HEATR5A: variants seen among roughly 807,000 people sequenced by gnomAD.
The protein encoded by HEATR5A is HEAT repeat-containing protein 5A.
A neutral mutation model predicts 218.8 loss-of-function variants in HEATR5A; 178 were observed. The observed-to-expected ratio is 0.81, with a 90% CI of 0.72 to 0.92. HEATR5A has a LOEUF of 0.92. Among genes scored for constraint, HEATR5A ranks in the 40% least tolerant of loss-of-function variants. HEATR5A has a pLI of 0.00. For missense variants in HEATR5A, 2,420 were observed against 2,418.9 expected, an observed-to-expected ratio of 1.00 and a Z score of -0.01; for synonymous variants, 864 against 871.6, an observed-to-expected ratio of 0.99 and a Z score of 0.15.
Position 31,358,645 on chromosome 14 carries a change from TTC to T in HEATR5A, c.2401_2402del (p.Glu801AsnfsTer35). On this transcript the variant is annotated frameshift_variant, in exon 16 of 36. Transcript: ENST00000543095. LOFTEE classifies it high-confidence loss of function. Reference protein sequence around the residue: ...LFGVVCAHVGETQRLLILEQL... With the variant: ...LFGVVCAHVGXTQRLLILEQL... ...CCATTGAAGATATTTACCTTTGAGT[TTC>T]TCCCACATGAGCGCATACAACCCCA... The T allele has an allele frequency of 6.2e-7, 1 of 1,612,624 alleles. No individual in the cohort carries two copies.
intron 5 of HEATR5A, among the ~76,000 whole-genome samples, chr14:31,394,919 T>C (rs1221489515): frequency 4.6e-5 from 7 of 152,208 alleles, no homozygotes; most frequent in Non-Finnish European, 8.8e-5. Flanking sequence ...AAACCTCACA[T>C]GTAAATTTTA....
At chr14:31,382,142 T>G (rs2030016422) in intron 10 of HEATR5A, among the ~76,000 whole-genome samples, 2 of 152,230 alleles carry the variant, frequency 1.3e-5, no homozygotes, top group Admixed American at 6.5e-5. Context: ...AATATGGGAA[T>G]GGGAACCTTG....
intron 14 of HEATR5A, 135 bp from the exon 15 acceptor site, chr14:31,359,192 A>T: frequency 1.2e-6 from 1 of 827,214 alleles, no homozygotes. Context: ...TGTATTTCTC[A>T]TCCTTGAAAA....
In HEATR5A at chr14:31,304,956, A is replaced by G; in HGVS notation, c.5188T>C (p.Ser1730Pro). ...ILLEDGSRLV[S>P]AALVILSELP... ...TCGGAAAGGATAACCAATGCAGCTG[A>G]AACCAATCTACTTCCATCTTCTAAT... Residue 1730 changes from serine (S) to proline (P), a missense_variant, in exon 32 of 36, where the codon TCA (serine) becomes CCA (proline). Transcript: ENST00000543095. 1 of 1,614,010 alleles carries G rather than the reference A, an allele frequency of 6.2e-7. No individual in the cohort carries two copies. The highest frequency in any genetic ancestry group is 8.5e-7 in the Non-Finnish European group (1 of 1,179,884).
In HEATR5A at chr14:31,387,117, T is replaced by G. The variant is rs773157032; in HGVS notation, c.1189+3A>C. On this transcript the variant is annotated splice_donor_region_variant and intron_variant, in intron 8 of 35. Coordinates refer to ENST00000543095, the MANE Select transcript of HEATR5A (RefSeq NM_015473.4). ...AACAAACTGTCTTAGTAGAGATCCA[T>G]ACCCATAACTTTCTTTAGCTTCCAG... is the stretch of plus-strand genomic sequence containing the variant. 1 of 1,613,940 alleles carries G rather than the reference T, an allele frequency of 6.2e-7. No homozygotes were observed. Among genetic ancestry groups the G allele is most frequent in the Non-Finnish European group, 8.5e-7 (1 of 1,179,844 alleles).
At chr14:31,392,919 C>T (rs181083976) in intron 6 of HEATR5A, among the ~76,000 whole-genome samples, 5 of 152,258 alleles carry the variant, frequency 3.3e-5, no homozygotes, top group East Asian at 1.9e-4. Context: ...GGGGTTGGGG[C>T]GGAGAAAGTA....
chr14:31,328,059 C>T (rs749473768), intron 22 of HEATR5A, among the ~76,000 whole-genome samples: 2 of 152,174 alleles, frequency 1.3e-5, no homozygotes, highest in Non-Finnish European at 2.9e-5. Context: ...AGCGATTCTC[C>T]TGCCTCAGCC....
intron 9 of HEATR5A, among the ~76,000 whole-genome samples, chr14:31,384,801 C>T (rs1595161243): frequency 6.6e-6 from 1 of 152,086 alleles, no homozygotes; most frequent in Non-Finnish European, 1.5e-5. Context: ...TGCTGGATTA[C>T]AGGCATGAGC....
chr14:31,365,389 C>T (rs942040728), intron 13 of HEATR5A, among the ~76,000 whole-genome samples: 6 of 151,896 alleles, frequency 4.0e-5, no homozygotes, highest in African/African-American at 1.5e-4. Context: ...GAGATGGAGT[C>T]TTGCTCTATT....
At chr14:31,372,929 G>A (rs1038930128) in intron 12 of HEATR5A, among the ~76,000 whole-genome samples, 2 of 13,996 alleles carry the variant, frequency 1.4e-4, no homozygotes, top group African/African-American at 3.0e-4. Context: ...CTTCCCTCCC[G>A]ACCCCACCTC....
chr14:31,394,195 A>G lies in HEATR5A; in HGVS notation c.629T>C (p.Phe210Ser), dbSNP rs151243375. ...CLLELQNEAI[F>S]MWSTDLDSVA... ...ACTGTCCAGGTCCGTACTCCACATA[A>G]AGATGGCTTCATTCTGAAGTTCAAG... Residue 210 changes from phenylalanine to serine, a missense_variant, in exon 6 of 36, where the codon TTT becomes TCT. Transcript: ENST00000543095. 223 of 1,502,790 alleles carry G rather than the reference A, an allele frequency of 1.5e-4. 1 individual carries two copies. The highest frequency in any genetic ancestry group is 7.2e-5 in the Non-Finnish European group (82 of 1,134,068). The allele number at this position is 1,502,790 out of a possible 1,614,324, so 93.1% of individuals were successfully genotyped here. A position where few individuals can be genotyped will look rare whatever the true frequency, so the allele number is the denominator to read the frequency against.
chr14:31,371,857 A>T lies in HEATR5A; in HGVS notation c.1914T>A (p.Thr638=). Reference sequence around the variant, plus strand: ...AAGGAAGTGGTGGAAGAAGACGCTGAGTTACTTCCTCAGTAAGAAGATCAC... The same window carrying T: ...AAGGAAGTGGTGGAAGAAGACGCTGTGTTACTTCCTCAGTAAGAAGATCAC... ...HCGDLLTEEV[T]QRLLPPLPCA... Residue 638 remains threonine, a synonymous_variant, in exon 13 of 36, where the codon ACT becomes ACA. Coordinates refer to ENST00000543095, the MANE Select transcript of HEATR5A (RefSeq NM_015473.4). 6.4e-7 allele frequency: 1 copy of T among 1,554,282 alleles called. No individual in the cohort carries two copies. Among genetic ancestry groups the T allele is most frequent in the African/African-American group, 1.4e-5 (1 of 73,406 alleles).
chr14:31,400,471 G>A lies in HEATR5A; in HGVS notation c.168C>T (p.Leu56=), dbSNP rs767853378. The A allele has an allele frequency of 2.9e-5, 45 of 1,535,730 alleles. No individual in the cohort carries two copies. The South Asian group carries it at 4.6e-4, about 16-fold the overall frequency. The part of the protein sequence containing the change: ...REKQKTLVEQ[L]LSLLNSSPGP... ...CTGGGGAGCTGTTCAACAAAGACAGGAGCTGTTCAACAAGAGTCTTCTGTT... is the reference window on the plus strand; with the variant it reads ...CTGGGGAGCTGTTCAACAAAGACAGAAGCTGTTCAACAAGAGTCTTCTGTT... The change falls in exon 3 of 36, where the codon CTC becomes CTT. Residue 56 remains leucine, a synonymous_variant. Coordinates refer to ENST00000543095, the MANE Select transcript of HEATR5A (RefSeq NM_015473.4).
At chr14:31,354,597 TATAAC>T (rs962746594) in intron 16 of HEATR5A, among the ~76,000 whole-genome samples, 1 of 152,212 alleles carries the variant, frequency 6.6e-6, no homozygotes, top group African/African-American at 2.4e-5. Context: ...TAGTATCAAT[TATAAC>T]ATATAATTAT....
Position 31,306,725 on chromosome 14 carries a change from CATTT to C in HEATR5A, c.4966+3_4966+6del, listed in dbSNP as rs775114358. On this transcript the variant is annotated splice_donor_5th_base_variant and intron_variant, in intron 31 of 35. Transcript: ENST00000543095. ...TGATCAACTCGGCATTAAAGGTTAA[CATTT>C]ACCTTCTGCACTTCGTCTTTTTTCC... is the stretch of plus-strand genomic sequence containing the variant. The C allele has an allele frequency of 6.2e-7, 1 of 1,605,148 alleles. No homozygotes were observed. Among genetic ancestry groups the C allele is most frequent in the Non-Finnish European group, 8.5e-7 (1 of 1,174,590 alleles).
At chr14:31,404,088 A>T (rs1005685826) in intron 1 of HEATR5A, among the ~76,000 whole-genome samples, 2 of 152,216 alleles carry the variant, frequency 1.3e-5, no homozygotes, top group Non-Finnish European at 2.9e-5. Flanking sequence ...CACAACAAAA[A>T]GTAGAAAAAA....
rs958190403 is a variant in HEATR5A at position 31,403,015 on chromosome 14, G to A, written c.-40C>T. On this transcript the variant is annotated 5_prime_UTR_variant, in exon 2 of 36. The change creates a new upstream start codon in the 5' untranslated region. Transcript: ENST00000543095. ...CTCCCAGCTGATCACAGTTCTTCTCGTTAAACTTTGGTCAATATACCTAAC... is the reference window on the plus strand; with the variant it reads ...CTCCCAGCTGATCACAGTTCTTCTCATTAAACTTTGGTCAATATACCTAAC... 33 of 1,518,196 alleles carry A rather than the reference G, an allele frequency of 2.2e-5. No homozygotes were observed. The East Asian group carries it at 4.7e-4, about 21-fold the overall frequency. 94.0% of individuals were successfully genotyped at this position (1,518,196 alleles called of 1,614,324 possible).
chr14:31,313,255 T>C (rs541311370), intron 27 of HEATR5A, 65 bp from the exon 28 acceptor site: 1 of 1,235,960 alleles, frequency 8.1e-7, no homozygotes, highest in Middle Eastern at 2.5e-4. Context: ...ATAAAATTTT[T>C]ATATCTTCCT....
chr14:31,414,758 T>C (rs894833381), intron 1 of HEATR5A, among the ~76,000 whole-genome samples: 5 of 152,224 alleles, frequency 3.3e-5, no homozygotes, highest in Non-Finnish European at 7.3e-5. Flanking sequence ...ACATCCCAGT[T>C]AGAATTCACA....
Sources: gnomAD v4.1 joint callset for allele counts (sites outside exome capture counted in the v4.1 genomes callset) on GRCh38, gnomAD v4.1.1 for gene constraint, MANE v1.5 for transcripts, NCBI Gene and HGNC (gene_info 2026-07-23, HGNC 2026-07-21) for gene names.